The following CTNNA3 variants were observed in gnomAD, a reference collection of about 807,000 sequenced individuals.
The protein encoded by CTNNA3 is catenin alpha-3.
A neutral mutation model predicts 95.7 loss-of-function variants in CTNNA3; 76 were observed. The ratio of observed to expected loss-of-function variants is 0.79; its 90% confidence interval spans 0.66 to 0.96. The LOEUF (loss-of-function observed/expected upper bound fraction) is 0.96, where lower values mean the gene tolerates loss of function less well. CTNNA3 is among the 40% of genes least tolerant of loss of function. CTNNA3 has a pLI of 0.00. For missense variants in CTNNA3, 1,191 were observed against 1,089.8 expected, an observed-to-expected ratio of 1.09 and a Z score of -1.31; for synonymous variants, 431 against 374.4, an observed-to-expected ratio of 1.15 and a Z score of -1.74.
At chr10:67,202,099 A>T (rs1160391051) in intron 6 of CTNNA3, among the ~76,000 whole-genome samples, 1 of 152,228 alleles carries the variant, frequency 6.6e-6, no homozygotes, top group Admixed American at 6.5e-5. Context: ...GAATTTACAA[A>T]GACTTCTTTT....
At position 66,628,107 on chromosome 10, in the gene CTNNA3, T is replaced by C. The variant is rs187360785; in HGVS notation, c.1282-6323A>G. Among the ~76,000 whole-genome samples the C allele has an allele frequency of 3.1e-3, 473 of 152,136 alleles. 2 individuals carry two copies. In the Middle Eastern group the frequency reaches 0.048, roughly 15 times the overall value. ...GCTTGAGGGTAAAGACGATGATATA[T>C]TCTTTTAAAAATATTTTCCCATCAA... On this transcript the variant is annotated intron_variant, in intron 9 of 17. Coordinates refer to ENST00000433211, the MANE Select transcript of CTNNA3 (RefSeq NM_013266.4).
intron 5 of CTNNA3, among the ~76,000 whole-genome samples, chr10:67,384,463 T>C (rs1844067492): frequency 6.6e-6 from 1 of 152,222 alleles, no homozygotes; most frequent in Non-Finnish European, 1.5e-5. Context: ...ATAGACATGG[T>C]TTTTCTTGTT....
intron 11 of CTNNA3, among the ~76,000 whole-genome samples, chr10:66,456,717 A>C (rs1301440819): frequency 1.3e-5 from 2 of 152,014 alleles, no homozygotes; most frequent in South Asian, 2.1e-4. Context: ...CAACAACAAC[A>C]ACCTGACCTA....
chr10:66,338,379 G>A (rs2092419103), intron 12 of CTNNA3, among the ~76,000 whole-genome samples: 1 of 151,920 alleles, frequency 6.6e-6, no homozygotes, highest in African/African-American at 2.4e-5. Flanking sequence ...GGTGATAGTT[G>A]CACAGCTCAG....
chr10:67,506,765 T>A (rs1056205910), intron 5 of CTNNA3, among the ~76,000 whole-genome samples: 32 of 152,210 alleles, frequency 2.1e-4, no homozygotes, highest in African/African-American at 7.2e-4. Context: ...GGTAGAGATG[T>A]ACAGCTTGGA....
chr10:66,876,183 C>A (rs1844614983), intron 7 of CTNNA3, among the ~76,000 whole-genome samples: 1 of 152,120 alleles, frequency 6.6e-6, no homozygotes, highest in African/African-American at 2.4e-5. Context: ...CATAGGGTAG[C>A]TTCACTAAGC....
intron 9 of CTNNA3, among the ~76,000 whole-genome samples, chr10:66,646,197 T>C (rs1362927203): frequency 6.6e-6 from 1 of 152,074 alleles, no homozygotes; most frequent in East Asian, 1.9e-4. Flanking sequence ...AGTTCTGGCA[T>C]TGGAGGAAGA....
At chr10:67,487,634 C>T (rs1848493644) in intron 5 of CTNNA3, among the ~76,000 whole-genome samples, 1 of 152,168 alleles carries the variant, frequency 6.6e-6, no homozygotes, top group Non-Finnish European at 1.5e-5. Context: ...AGAGGATGAG[C>T]TCTGAAAAGC....
chr10:67,023,563 C>G (rs1853163352), intron 7 of CTNNA3, among the ~76,000 whole-genome samples: 1 of 152,102 alleles, frequency 6.6e-6, no homozygotes, highest in African/African-American at 2.4e-5. Flanking sequence ...CATACCCAAG[C>G]AAAGTCTAAT....
At chr10:66,869,634 T>C (rs2091067) in intron 7 of CTNNA3, among the ~76,000 whole-genome samples, 87 of 151,656 alleles carry the variant, frequency 5.7e-4, no homozygotes, top group Admixed American at 4.6e-4. Context: ...GTGCAGGAGG[T>C]AAGTAGTAGA....
At chr10:65,963,866 GTTATT>G (rs1017611668) in intron 17 of CTNNA3, among the ~76,000 whole-genome samples, 2 of 152,062 alleles carry the variant, frequency 1.3e-5, no homozygotes, top group Non-Finnish European at 2.9e-5. Flanking sequence ...TATCTCTCAG[GTTATT>G]TTATTTTATT....
rs542661965 is a variant in CTNNA3, at chr10:67,196,247, T to C, written c.844-15727A>G. ...GAAGCTTTAGATATAAAAAAAATTT[T>C]AAGAAGGCAAAATGTGAACAATAAA... On this transcript the variant is annotated intron_variant, in intron 6 of 17. Coordinates refer to ENST00000433211, the MANE Select transcript of CTNNA3 (RefSeq NM_013266.4). 1.5e-3 allele frequency among the ~76,000 whole-genome samples: 221 copies of C among 152,194 alleles called. 3 individuals carry two copies. The highest frequency in any genetic ancestry group is 5.1e-3 in the African/African-American group (212 of 41,558).
At chr10:67,335,666 T>C (rs2132597096) in intron 5 of CTNNA3, among the ~76,000 whole-genome samples, 1 of 152,350 alleles carries the variant, frequency 6.6e-6, no homozygotes, top group African/African-American at 2.4e-5. Context: ...GTTTTGAGTC[T>C]TTACTTAGAA....
chr10:66,944,398 C>T (rs576461910), intron 7 of CTNNA3, among the ~76,000 whole-genome samples: 1 of 152,102 alleles, frequency 6.6e-6, no homozygotes, highest in African/African-American at 2.4e-5. Context: ...AATTCTAGTT[C>T]CCCGCTATTT....
chr10:67,736,905 C>A (rs1841305851), intron 1 of CTNNA3, among the ~76,000 whole-genome samples: 1 of 152,102 alleles, frequency 6.6e-6, no homozygotes, highest in South Asian at 2.1e-4. Flanking sequence ...ATATATCAGG[C>A]CACAAAACAA....
At chr10:66,081,337 C>A (rs1015099270) in intron 14 of CTNNA3, among the ~76,000 whole-genome samples, 1 of 152,152 alleles carries the variant, frequency 6.6e-6, no homozygotes, top group East Asian at 1.9e-4. Context: ...GATGTCCAGG[C>A]CTGGTGGCTC....
intron 7 of CTNNA3, among the ~76,000 whole-genome samples, chr10:66,821,627 A>G (rs371826577): frequency 1.3e-5 from 2 of 152,186 alleles, no homozygotes; most frequent in South Asian, 2.1e-4. Context: ...GAGTCATAAG[A>G]GCAAATGATT....
At chr10:66,188,860 T>G (rs1599666) in intron 13 of CTNNA3, among the ~76,000 whole-genome samples, 98,903 of 151,648 alleles carry the variant, frequency 0.65, 32,453 homozygotes, top group African/African-American at 0.72. Flanking sequence ...GTATATCAGG[T>G]TTCCCTTTTC....
At chr10:66,576,391 G>A (rs920368140) in intron 10 of CTNNA3, among the ~76,000 whole-genome samples, 2 of 151,912 alleles carry the variant, frequency 1.3e-5, no homozygotes, top group South Asian at 2.1e-4. Flanking sequence ...GGCAAATTGC[G>A]TGTCACTAAG....
Sources: gnomAD v4.1 joint callset for allele counts (sites outside exome capture counted in the v4.1 genomes callset) on GRCh38, gnomAD v4.1.1 for gene constraint, MANE v1.5 for transcripts, NCBI Gene and HGNC (gene_info 2026-07-23, HGNC 2026-07-21) for gene names.